Variants in KDM2A observed in about 807,000 individuals in gnomAD.
The protein encoded by KDM2A is lysine demethylase 2A.
Under a neutral mutation model 137.3 loss-of-function variants are expected in KDM2A, and 3 were observed. That is an observed-to-expected ratio of 0.02 (90% CI 0.01 to 0.06). KDM2A has a LOEUF of 0.06. KDM2A is among the 10% of genes least tolerant of loss of function. The pLI is 1.00. For missense variants in KDM2A, 738 were observed against 1,510.6 expected (o/e 0.49, Z 8.48); for synonymous variants, 512 against 541.5 (o/e 0.95, Z 0.76).
chr11:67,200,562 A>G (rs754331453), intron 5 of KDM2A, among the ~76,000 whole-genome samples: 13 of 151,476 alleles, frequency 8.6e-5, no homozygotes, highest in Non-Finnish European at 1.5e-4. Flanking sequence ...CCCAAGTTGG[A>G]GTGCAATGGT....
rs571593466 is a variant in KDM2A, at chr11:67,213,628, G to T, written c.487-1712G>T. ...ACAAAAATTAGTTAGGTGCGGTGGC[G>T]GGTGCCTGTAATCCCAGCTACTCAA... On this transcript the variant is annotated intron_variant, in intron 6 of 20. Transcript: ENST00000529006. Among the ~76,000 whole-genome samples the T allele has an allele frequency of 2.0e-5, 3 of 151,624 alleles. No homozygotes were observed. The South Asian group carries it at 6.3e-4, about 32-fold the overall frequency.
Position 67,246,516 on chromosome 11 carries a change from G to A in KDM2A, c.1965+400G>A, listed in dbSNP as rs572926669. On this transcript the variant is annotated intron_variant, in intron 15 of 20. Coordinates refer to ENST00000529006, the MANE Select transcript of KDM2A (RefSeq NM_012308.3). Reference sequence around the variant, plus strand: ...AGGGAGAGTGAGGATAATAATATCAGATAACATTTAATGAGTGCTGAGTCT... The same window carrying A: ...AGGGAGAGTGAGGATAATAATATCAAATAACATTTAATGAGTGCTGAGTCT... Among the ~76,000 whole-genome samples, 6 of 152,026 alleles carry A rather than the reference G, an allele frequency of 3.9e-5. No homozygotes were observed. The South Asian group carries it at 1.2e-3, about 32-fold the overall frequency.
At chr11:67,145,046 A>G (rs1856211686) in intron 2 of KDM2A, among the ~76,000 whole-genome samples, 1 of 146,306 alleles carries the variant, frequency 6.8e-6, no homozygotes, top group Non-Finnish European at 1.5e-5. Flanking sequence ...CTTTTTTTGT[A>G]TTTTTAGTAG....
In KDM2A at chr11:67,245,658, C is replaced by G; in HGVS notation, c.1833+200C>G. On this transcript the variant is annotated intron_variant, in intron 14 of 20. Coordinates refer to ENST00000529006, the MANE Select transcript of KDM2A (RefSeq NM_012308.3). The surrounding 1 kb of genome is among the most constrained non-coding windows in gnomAD (Gnocchi z 4.1). Reference sequence around the variant, plus strand: ...CTAAAAATCCGATTTAATCTTTAGGCTTTACCTAATTTTCAAACAAGAGAT... The same window carrying G: ...CTAAAAATCCGATTTAATCTTTAGGGTTTACCTAATTTTCAAACAAGAGAT... 1 of 640,128 alleles carries G rather than the reference C, an allele frequency of 1.6e-6. No individual in the cohort carries two copies. The highest frequency in any genetic ancestry group is 2.6e-6 in the Non-Finnish European group (1 of 378,546). 39.7% of individuals were successfully genotyped at this position (640,128 alleles called of 1,614,324 possible). A position where few individuals can be genotyped will look rare whatever the true frequency, so the allele number is the denominator to read the frequency against.
rs748588407 is a variant in KDM2A, at chr11:67,254,974, C to T, written c.3408C>T (p.Ala1136=). 1.2e-6 allele frequency: 2 copies of T among 1,613,846 alleles called. No homozygotes were observed. Among genetic ancestry groups the T allele is most frequent in the East Asian group, 4.5e-5 (2 of 44,882 alleles). The change falls in exon 21 of 21, where the codon GCC becomes GCT. Residue 1136 remains alanine, a synonymous_variant. Coordinates refer to ENST00000529006, the MANE Select transcript of KDM2A (RefSeq NM_012308.3). This position sits in a 1 kb window ranked among gnomAD's most constrained non-coding sequence, Gnocchi z 4.7. ...LRGCKQITRK[A]CEHFISDLSI... is the part of the protein sequence containing the mutation. ...GATGCAAGCAGATCACTCGAAAAGC[C>T]TGCGAGCACTTCATCTCAGACTTGT...
At chr11:67,196,311 A>G (rs1375347948) in intron 5 of KDM2A, 2 of 456,078 alleles carry the variant, frequency 4.4e-6, no homozygotes, top group Non-Finnish European at 8.8e-6. Context: ...AAGTGGGCCT[A>G]TTACAGTTTT....
chr11:67,245,292 C>T lies in KDM2A; in HGVS notation c.1667C>T (p.Ala556Val), dbSNP rs1393423179. The T allele has an allele frequency of 5.0e-6, 8 of 1,613,956 alleles. No homozygotes were observed. Among genetic ancestry groups the T allele is most frequent in the African/African-American group, 1.3e-5 (1 of 74,938 alleles). Residue 556 changes from alanine (A) to valine (V), a missense_variant, in exon 14 of 21, where the codon GCT (alanine) becomes GTT (valine). Physicochemically the swap from Ala to Val is moderately conservative, Grantham distance 64 (BLOSUM62 0). Transcript: ENST00000529006. This position sits in a 1 kb window ranked among gnomAD's most constrained non-coding sequence, Gnocchi z 4.1. ...APRLTPVRPAAASPIVSGARR... is the reference protein window; with the variant it reads ...APRLTPVRPAVASPIVSGARR... ...CGGTTAACACCTGTGAGGCCAGCTGCTGCCTCCCCGATTGTGTCAGGAGCC... is the reference window on the plus strand; with the variant it reads ...CGGTTAACACCTGTGAGGCCAGCTGTTGCCTCCCCGATTGTGTCAGGAGCC...
At chr11:67,128,087 A>G (rs1855771514) in intron 2 of KDM2A, among the ~76,000 whole-genome samples, 1 of 143,050 alleles carries the variant, frequency 7.0e-6, no homozygotes, top group Non-Finnish European at 1.5e-5. Context: ...CTACCACTGC[A>G]GCATCAGCCT....
intron 6 of KDM2A, among the ~76,000 whole-genome samples, chr11:67,210,180 C>G (rs955827136): frequency 6.6e-6 from 1 of 151,806 alleles, no homozygotes; most frequent in Non-Finnish European, 1.5e-5. Context: ...CCAGCCTGGG[C>G]AACATGGTGA....
rs369084623 is a variant in KDM2A, at chr11:67,196,475, T to C, written c.308-11035T>C. On this transcript the variant is annotated intron_variant, in intron 5 of 20. Transcript: ENST00000529006. Reference sequence around the variant, plus strand: ...TCATAGTAGCTAAAATGTAGCAACCTAAATGTCCATCAGCAGTGAATACTT... The same window carrying C: ...TCATAGTAGCTAAAATGTAGCAACCCAAATGTCCATCAGCAGTGAATACTT... 6.1e-5 allele frequency: 28 copies of C among 455,988 alleles called. 1 individual carries two copies. Among genetic ancestry groups the C allele is most frequent in the South Asian group, 4.2e-4 (27 of 64,570 alleles). The allele number at this position is 455,988 out of a possible 1,614,324, so 28.2% of individuals were successfully genotyped here.
chr11:67,231,688 G>A lies in KDM2A; in HGVS notation c.1207G>A (p.Asp403Asn). Reference sequence around the variant, plus strand: ...CCCTGTAGCGAATGGAGTCAACCTGGATTATGATGGACTGGGCAAAACCTG... The same window carrying A: ...CCCTGTAGCGAATGGAGTCAACCTGAATTATGATGGACTGGGCAAAACCTG... ...TSPVANGVNL[D>N]YDGLGKTCRS... The change falls in exon 12 of 21, where the codon GAT becomes AAT. Residue 403 changes from aspartate (D) to asparagine (N), a missense_variant. Physicochemically the swap from Asp to Asn is conservative, Grantham distance 23. Around this residue, in one of 9 missense-constraint regions of KDM2A, gnomAD observed 113 missense variants for 133.5 expected, o/e 0.85. Transcript: ENST00000529006. 1 of 1,613,914 alleles carries A rather than the reference G, an allele frequency of 6.2e-7. No homozygotes were observed. The highest frequency in any genetic ancestry group is 8.5e-7 in the Non-Finnish European group (1 of 1,179,858).
chr11:67,242,936 G>A (rs760826515), intron 12 of KDM2A, 73 bp from the exon 13 acceptor site: 12 of 1,152,876 alleles, frequency 1.0e-5, no homozygotes, highest in Non-Finnish European at 1.6e-5. Context: ...GGCAGAGTCT[G>A]GATGCTGTTC....
intron 5 of KDM2A, among the ~76,000 whole-genome samples, chr11:67,192,124 A>T (rs1320330844): frequency 6.6e-6 from 1 of 152,176 alleles, no homozygotes; most frequent in African/African-American, 2.4e-5. Flanking sequence ...TATTTACTTC[A>T]TCTCTTTTTG....
At chr11:67,247,948 T>A (rs1859300833) in intron 15 of KDM2A, among the ~76,000 whole-genome samples, 1 of 152,206 alleles carries the variant, frequency 6.6e-6, no homozygotes, top group Non-Finnish European at 1.5e-5. Context: ...TAAGGTGGGT[T>A]TTGTTGTATC....
intron 2 of KDM2A, among the ~76,000 whole-genome samples, chr11:67,139,590 G>A (rs1395013396): frequency 6.6e-6 from 1 of 152,020 alleles, no homozygotes; most frequent in Admixed American, 6.6e-5. Flanking sequence ...GGTTGCCCAG[G>A]CTGGTCTTGA....
At chr11:67,132,441 G>A (rs1287735076) in intron 2 of KDM2A, among the ~76,000 whole-genome samples, 3 of 151,920 alleles carry the variant, frequency 2.0e-5, no homozygotes, top group South Asian at 2.1e-4. Flanking sequence ...GTGCCACCAC[G>A]CCCGGCTAAT....
Position 67,231,467 on chromosome 11 carries a change from C to A in KDM2A, c.1085-99C>A. ...ATTTTTTTAAATGTGGTAATTTTGT[C>A]ATTTATAGCCTCAAGGCCCCTATCA... On this transcript the variant is annotated intron_variant, in intron 11 of 20. Transcript: ENST00000529006. 3.6e-6 allele frequency: 4 copies of A among 1,095,910 alleles called. No individual in the cohort carries two copies. The South Asian group carries it at 6.8e-5, about 19-fold the overall frequency. 67.9% of individuals were successfully genotyped at this position (1,095,910 alleles called of 1,614,324 possible).
At chr11:67,242,934 C>G in intron 12 of KDM2A, 75 bp from the exon 13 acceptor site, 1 of 1,133,818 alleles carries the variant, frequency 8.8e-7, no homozygotes, top group African/African-American at 1.5e-5. Context: ...GAGGCAGAGT[C>G]TGGATGCTGT....
chr11:67,127,810 C>T (rs1197063847), intron 2 of KDM2A, among the ~76,000 whole-genome samples: 1 of 152,004 alleles, frequency 6.6e-6, no homozygotes, highest in Non-Finnish European at 1.5e-5. Context: ...TGGGTTCAAG[C>T]GATTCTCCTG....
Sources: allele counts gnomAD v4.1 joint callset (sites outside exome capture counted in the v4.1 genomes callset), GRCh38; gene constraint gnomAD v4.1.1; regional missense constraint gnomAD v4.1.1; non-coding constraint Gnocchi (gnomAD v3.1); transcripts MANE v1.5; gene names NCBI Gene and HGNC (gene_info 2026-07-23, HGNC 2026-07-21).